ARHGAP15: variants seen among roughly 807,000 people sequenced by gnomAD.
The protein encoded by ARHGAP15 is rho GTPase-activating protein 15.
Under a neutral mutation model 63.7 loss-of-function variants are expected in ARHGAP15, and 51 were observed. The observed-to-expected ratio is 0.80, with a 90% CI of 0.64 to 1.01. The LOEUF (loss-of-function observed/expected upper bound fraction) is 1.01, where lower values mean the gene tolerates loss of function less well. Ranked by LOEUF, ARHGAP15 falls within the 50% of genes least tolerant of loss-of-function variation. The probability of loss-of-function intolerance (pLI) is 0.00; values close to 1 mark genes in which losing one functional copy is unlikely to be tolerated. For synonymous variants in ARHGAP15, 191 were observed against 193.8 expected, an observed-to-expected ratio of 0.99 and a Z score of 0.12; for missense variants, 560 against 564.6, an observed-to-expected ratio of 0.99 and a Z score of 0.08.
At chr2:143,170,242 T>A (rs1320159584) in intron 2 of ARHGAP15, among the ~76,000 whole-genome samples, 1 of 152,130 alleles carries the variant, frequency 6.6e-6, no homozygotes, top group Non-Finnish European at 1.5e-5. Flanking sequence ...TGTAACAATG[T>A]CTGCTGACTT....
At chr2:143,758,900 C>T (rs1464736659) in intron 13 of ARHGAP15, among the ~76,000 whole-genome samples, 1 of 152,160 alleles carries the variant, frequency 6.6e-6, no homozygotes, top group Non-Finnish European at 1.5e-5. Context: ...GCCCAGCAAC[C>T]TGCCTTTTAA....
intron 2 of ARHGAP15, among the ~76,000 whole-genome samples, chr2:143,194,631 T>C (rs1470763499): frequency 6.6e-6 from 1 of 152,152 alleles, no homozygotes; most frequent in African/African-American, 2.4e-5. Flanking sequence ...GTGGTTCTTA[T>C]CTTAAAAGCC....
chr2:143,252,317 GA>G (rs1680196934), intron 6 of ARHGAP15, among the ~76,000 whole-genome samples: 1 of 151,968 alleles, frequency 6.6e-6, no homozygotes. Context: ...CACCTATATT[GA>G]CAGTGTGTAT....
intron 6 of ARHGAP15, among the ~76,000 whole-genome samples, chr2:143,369,083 A>T (rs958862014): frequency 6.6e-6 from 1 of 152,166 alleles, no homozygotes; most frequent in Non-Finnish European, 1.5e-5. Context: ...TATTGCACAG[A>T]CATTCATGCA....
intron 6 of ARHGAP15, among the ~76,000 whole-genome samples, chr2:143,297,762 T>C (rs539707257): frequency 6.6e-6 from 1 of 152,092 alleles, no homozygotes; most frequent in African/African-American, 2.4e-5. Flanking sequence ...CTACAATTAT[T>C]GAAATAAAGT....
intron 13 of ARHGAP15, among the ~76,000 whole-genome samples, chr2:143,753,091 G>A (rs1475547995): frequency 6.6e-6 from 1 of 152,210 alleles, no homozygotes; most frequent in East Asian, 1.9e-4. Context: ...GTTACAATGA[G>A]CTATGATTGT....
At chr2:143,279,385 T>C (rs138956511) in intron 6 of ARHGAP15, among the ~76,000 whole-genome samples, 1 of 152,282 alleles carries the variant, frequency 6.6e-6, no homozygotes, top group East Asian at 1.9e-4. Flanking sequence ...AGCACTATCC[T>C]GCAAACTGGT....
chr2:143,730,270 G>C (rs1685468165), intron 13 of ARHGAP15, among the ~76,000 whole-genome samples: 2 of 152,146 alleles, frequency 1.3e-5, no homozygotes, highest in South Asian at 4.1e-4. Flanking sequence ...ATCCTCTACT[G>C]TTCTTCATTG....
intron 10 of ARHGAP15, among the ~76,000 whole-genome samples, chr2:143,553,291 TA>T (rs1420200462): frequency 6.6e-6 from 1 of 152,170 alleles, no homozygotes; most frequent in Non-Finnish European, 1.5e-5. Context: ...TTATGTAATT[TA>T]AAAAGTATGA....
rs1376347947 is a variant in ARHGAP15 at position 143,272,946 on chromosome 2, G to T, written c.474+22346G>T. ...GGAATTTTTTTTTATTTTTGGCATT[G>T]TCATCTCCAAGTTTGACAATGGAAA... On this transcript the variant is annotated intron_variant, in intron 6 of 13. Coordinates refer to ENST00000295095, the MANE Select transcript of ARHGAP15 (RefSeq NM_018460.4). Among the ~76,000 whole-genome samples, 3 of 151,980 alleles carry T rather than the reference G, an allele frequency of 2.0e-5. No individual in the cohort carries two copies. The East Asian group carries it at 5.8e-4, about 29-fold the overall frequency.
At chr2:143,495,767 A>G (rs1692788376) in intron 9 of ARHGAP15, among the ~76,000 whole-genome samples, 1 of 152,238 alleles carries the variant, frequency 6.6e-6, no homozygotes, top group Admixed American at 6.5e-5. Context: ...ACAGAGTAAC[A>G]TAATTGTCAC....
intron 2 of ARHGAP15, among the ~76,000 whole-genome samples, chr2:143,160,020 A>G (rs1225085128): frequency 6.6e-6 from 1 of 151,890 alleles, no homozygotes; most frequent in Non-Finnish European, 1.5e-5. Context: ...TTTTTTCATT[A>G]ACTGGGCATT....
chr2:143,585,487 G>A (rs183035608), intron 11 of ARHGAP15, among the ~76,000 whole-genome samples: 16 of 152,128 alleles, frequency 1.1e-4, no homozygotes, highest in African/African-American at 3.6e-4. Flanking sequence ...GAGATTGATA[G>A]AGATGAATAG....
chr2:143,662,578 G>A (rs938408556), intron 12 of ARHGAP15, among the ~76,000 whole-genome samples: 11 of 128,024 alleles, frequency 8.6e-5, no homozygotes, highest in South Asian at 2.7e-4. Flanking sequence ...TGACTTTGAC[G>A]AGCCGAGAGA....
rs550935618 is a variant in ARHGAP15 at position 143,199,569 on chromosome 2, C to T, written c.166-2565C>T. Reference sequence around the variant, plus strand: ...GGGCCTTGTTCATTGTTTTCCCAGCCAGGGTGTAAGGAAAGAGAGGACATG... The same window carrying T: ...GGGCCTTGTTCATTGTTTTCCCAGCTAGGGTGTAAGGAAAGAGAGGACATG... On this transcript the variant is annotated intron_variant, in intron 2 of 13. Transcript: ENST00000295095. Among the ~76,000 whole-genome samples, 5 of 152,108 alleles carry T rather than the reference C, an allele frequency of 3.3e-5. No individual in the cohort carries two copies. In the South Asian group the frequency reaches 1.0e-3, roughly 32 times the overall value.
chr2:143,196,232 G>A (rs1007372387), intron 2 of ARHGAP15, among the ~76,000 whole-genome samples: 1 of 151,986 alleles, frequency 6.6e-6, no homozygotes, highest in African/African-American at 2.4e-5. Flanking sequence ...GTGGTGGGTG[G>A]TGATAAATAA....
intron 8 of ARHGAP15, among the ~76,000 whole-genome samples, chr2:143,484,892 A>C (rs1692254970): frequency 6.6e-6 from 1 of 152,202 alleles, no homozygotes; most frequent in South Asian, 2.1e-4. Context: ...TGCTTTTCAA[A>C]CTATTGAGAT....
chr2:143,340,457 G>C (rs1217412496), intron 6 of ARHGAP15, among the ~76,000 whole-genome samples: 1 of 151,994 alleles, frequency 6.6e-6, no homozygotes, highest in East Asian at 1.9e-4. Flanking sequence ...CTCTGTCTTA[G>C]TGATGTAATT....
intron 2 of ARHGAP15, among the ~76,000 whole-genome samples, chr2:143,171,239 T>C (rs906527115): frequency 3.3e-5 from 5 of 152,190 alleles, no homozygotes; most frequent in African/African-American, 1.2e-4. Context: ...GCTTATCTTT[T>C]CTACTGCCTG....
Sources: allele counts gnomAD v4.1 joint callset (sites outside exome capture counted in the v4.1 genomes callset), GRCh38; gene constraint gnomAD v4.1.1; transcripts MANE v1.5; gene names NCBI Gene and HGNC (gene_info 2026-07-23, HGNC 2026-07-21).